The following DIAPH3 variants were observed in gnomAD, a reference collection of about 807,000 sequenced individuals.
DIAPH3 encodes the protein diaphanous related formin 3, also known as protein diaphanous homolog 3.
DIAPH3 carries 117 observed loss-of-function variants against 144.3 expected under a neutral mutation model. The observed-to-expected ratio is 0.81, with a 90% CI of 0.70 to 0.95. The LOEUF is 0.95. Among genes scored for constraint, DIAPH3 ranks in the 40% least tolerant of loss-of-function variants. The pLI is 0.00. For synonymous variants in DIAPH3, 519 were observed against 488.9 expected (o/e 1.06, Z -0.81); for missense variants, 1,421 against 1,412.7 (o/e 1.01, Z -0.09).
Position 59,761,564 on chromosome 13 carries a change from T to C in DIAPH3, c.3319+12625A>G, listed in dbSNP as rs573910135. ...TGCAAAATCACTGGTCAATATTATC[T>C]ATACAACACAAAAGAAAAGGTTGGA... On this transcript the variant is annotated intron_variant, in intron 27 of 27. Transcript: ENST00000400324. Among the ~76,000 whole-genome samples, 5 of 152,326 alleles carry C rather than the reference T, an allele frequency of 3.3e-5. No homozygotes were observed. In the South Asian group the frequency reaches 1.0e-3, roughly 32 times the overall value.
At chr13:60,022,549 G>A (rs563229704) in intron 5 of DIAPH3, among the ~76,000 whole-genome samples, 1 of 152,232 alleles carries the variant, frequency 6.6e-6, no homozygotes, top group South Asian at 2.1e-4. Flanking sequence ...CTGGGACTCT[G>A]GGTAGAATCC....
intron 4 of DIAPH3, among the ~76,000 whole-genome samples, chr13:60,064,922 A>G (rs2056898783): frequency 6.6e-6 from 1 of 152,132 alleles, no homozygotes; most frequent in Admixed American, 6.6e-5. Flanking sequence ...TAATTTTAAC[A>G]TTGCTGTGCT....
intron 27 of DIAPH3, among the ~76,000 whole-genome samples, chr13:59,708,181 G>GC (rs1360065937): frequency 6.6e-6 from 1 of 151,596 alleles, no homozygotes; most frequent in African/African-American, 2.4e-5. Context: ...TCCTGCCTCA[G>GC]CCTCCCAAGT....
At chr13:60,033,987 A>C (rs1393962317) in intron 5 of DIAPH3, among the ~76,000 whole-genome samples, 1 of 152,208 alleles carries the variant, frequency 6.6e-6, no homozygotes, top group African/African-American at 2.4e-5. Flanking sequence ...GTAAGGGAAT[A>C]CCAAGATAAA....
At chr13:59,682,361 G>A (rs142440124) in intron 27 of DIAPH3, among the ~76,000 whole-genome samples, 6 of 151,844 alleles carry the variant, frequency 4.0e-5, no homozygotes, top group East Asian at 1.9e-4. Context: ...CTTGTCTGTC[G>A]CCCAGGCTGG....
In DIAPH3 at chr13:60,042,821, C is replaced by G; in HGVS notation, c.496-1G>C. On this transcript the variant is annotated splice_acceptor_variant, in intron 4 of 27. Transcript: ENST00000400324. LOFTEE classifies it high-confidence loss of function. ...TCTGTCGGCTTCTCTTAAGACTTCC[C>G]TATAAAATAAGTCAAAAAATGTTTT... 6.2e-7 allele frequency: 1 copy of G among 1,612,980 alleles called. No homozygotes were observed. Among genetic ancestry groups the G allele is most frequent in the Non-Finnish European group, 8.5e-7 (1 of 1,179,322 alleles).
chr13:60,145,837 T>C (rs905076768), intron 1 of DIAPH3, among the ~76,000 whole-genome samples: 4 of 152,066 alleles, frequency 2.6e-5, no homozygotes, highest in African/African-American at 4.8e-5. Context: ...AGCTGGGGTA[T>C]ATACCACAAA....
chr13:59,699,682 T>G (rs1020421681), intron 27 of DIAPH3, among the ~76,000 whole-genome samples: 3 of 152,216 alleles, frequency 2.0e-5, no homozygotes, highest in Non-Finnish European at 4.4e-5. Flanking sequence ...CAGAGCCCAC[T>G]GGGGAAAGTC....
intron 20 of DIAPH3, among the ~76,000 whole-genome samples, chr13:59,897,365 G>A (rs189370171): frequency 9.8e-5 from 15 of 152,304 alleles, no homozygotes; most frequent in African/African-American, 3.4e-4. Context: ...GACAGTGATG[G>A]GAACAAAAGC....
chr13:59,849,826 T>G (rs574384684), intron 22 of DIAPH3, among the ~76,000 whole-genome samples: 1 of 132,530 alleles, frequency 7.5e-6, no homozygotes, highest in African/African-American at 2.8e-5. Context: ...CATATGAACT[T>G]TAAAGTAGTT....
At chr13:59,796,417 T>A (rs2039607341) in intron 25 of DIAPH3, among the ~76,000 whole-genome samples, 1 of 152,196 alleles carries the variant, frequency 6.6e-6, no homozygotes, top group Non-Finnish European at 1.5e-5. Flanking sequence ...GACTGAAGTG[T>A]GGATTGAGTA....
chr13:60,031,113 C>T (rs539787641), intron 5 of DIAPH3, among the ~76,000 whole-genome samples: 1 of 152,086 alleles, frequency 6.6e-6, no homozygotes, highest in Non-Finnish European at 1.5e-5. Flanking sequence ...GGAGGTATGG[C>T]GCCAGCATCT....
At position 59,911,803 on chromosome 13, in the gene DIAPH3, AT is replaced by A. The variant is rs1199659709; in HGVS notation, c.2298del (p.Gln766HisfsTer2). The A allele has an allele frequency of 1.9e-6, 3 of 1,613,328 alleles. No individual in the cohort carries two copies. Among genetic ancestry groups the A allele is most frequent in the Non-Finnish European group, 2.5e-6 (3 of 1,179,528 alleles). ...NLIKHLPDQE[Q>X]LNSLSQFKSE... ...CTCTTGAACTGAGACAATGAATTTA[AT>A]TGCTCTTGATCAGGAAGATGCTTTA... On this transcript the variant is annotated frameshift_variant, in exon 20 of 28. Transcript: ENST00000400324. LOFTEE classifies it high-confidence loss of function.
At chr13:60,018,651 C>T (rs116570836) in intron 5 of DIAPH3, among the ~76,000 whole-genome samples, 167 of 152,148 alleles carry the variant, frequency 1.1e-3, no homozygotes, top group African/African-American at 3.8e-3. Flanking sequence ...ATTAAAGTTC[C>T]GTGTAAAGAG....
intron 17 of DIAPH3, among the ~76,000 whole-genome samples, chr13:59,928,158 T>A (rs2140317054): frequency 6.6e-6 from 1 of 152,294 alleles, no homozygotes; most frequent in South Asian, 2.1e-4. Flanking sequence ...TGTCCTTGTC[T>A]AGTCTACTGA....
chr13:60,036,259 T>G (rs1238338327), intron 5 of DIAPH3, among the ~76,000 whole-genome samples: 1 of 152,332 alleles, frequency 6.6e-6, no homozygotes, highest in South Asian at 2.1e-4. Flanking sequence ...GTAATAATAA[T>G]GTAGTTAATA....
chr13:60,046,158 G>C (rs570207606), intron 4 of DIAPH3, among the ~76,000 whole-genome samples: 16 of 152,290 alleles, frequency 1.1e-4, no homozygotes, highest in South Asian at 6.2e-4. Context: ...TCCATGAAAT[G>C]AGAGCTAACT....
rs2139555054 is a variant in DIAPH3 at position 59,810,750 on chromosome 13, G to A, written c.3163+38C>T. On this transcript the variant is annotated intron_variant, in intron 25 of 27. Transcript: ENST00000400324. ...ATAAAGCAGCCCATATAAATCTTAAGTATACATAGAATAAATAACAAATTT... is the reference window on the plus strand; with the variant it reads ...ATAAAGCAGCCCATATAAATCTTAAATATACATAGAATAAATAACAAATTT... 2.5e-6 allele frequency: 4 copies of A among 1,602,306 alleles called. No homozygotes were observed. The East Asian group carries it at 8.9e-5, about 36-fold the overall frequency.
chr13:60,071,692 C>A (rs896342424), intron 4 of DIAPH3, among the ~76,000 whole-genome samples: 4 of 152,146 alleles, frequency 2.6e-5, no homozygotes, highest in African/African-American at 9.7e-5. Context: ...AATAGTGAAG[C>A]TACATAGTAT....
Sources: gnomAD v4.1 joint callset for allele counts (sites outside exome capture counted in the v4.1 genomes callset) on GRCh38, gnomAD v4.1.1 for gene constraint, MANE v1.5 for transcripts, NCBI Gene and HGNC (gene_info 2026-07-23, HGNC 2026-07-21) for gene names.